FRAS1: variants seen among roughly 807,000 people sequenced by gnomAD.
FRAS1 encodes Fraser extracellular matrix complex subunit 1, also known as extracellular matrix organizing protein FRAS1.
FRAS1 carries 290 observed loss-of-function variants against 435.2 expected under a neutral mutation model. That is an observed-to-expected ratio of 0.67 (90% CI 0.61 to 0.73). The LOEUF (loss-of-function observed/expected upper bound fraction) is 0.73. Ranked by LOEUF, FRAS1 falls within the 30% of genes least tolerant of loss-of-function variation. FRAS1 has a pLI of 0.00. For missense variants in FRAS1, 4,860 were observed against 5,001.5 expected, an observed-to-expected ratio of 0.97 and a Z score of 0.85; for synonymous variants, 1,800 against 1,851.0, an observed-to-expected ratio of 0.97 and a Z score of 0.71.
chr4:78,334,286 G>C (rs1259460085), intron 19 of FRAS1, among the ~76,000 whole-genome samples: 1 of 142,678 alleles, frequency 7.0e-6, no homozygotes, highest in Non-Finnish European at 1.5e-5. Context: ...TTTTATGCAT[G>C]TTGTTACATA....
At chr4:78,492,884 G>T (rs1368609089) in intron 59 of FRAS1, among the ~76,000 whole-genome samples, 1 of 152,178 alleles carries the variant, frequency 6.6e-6, no homozygotes, top group Non-Finnish European at 1.5e-5. Flanking sequence ...TACAGAATGG[G>T]AGAAAATCTT....
At chr4:78,517,484 AAC>A (rs1721246219) in intron 66 of FRAS1, among the ~76,000 whole-genome samples, 1 of 152,252 alleles carries the variant, frequency 6.6e-6, no homozygotes, top group Admixed American at 6.5e-5. Flanking sequence ...CTTTTAAACC[AAC>A]ACAGAAAAAA....
chr4:78,294,478 G>T lies in FRAS1; in HGVS notation c.1534+7939G>T, dbSNP rs568245850. Among the ~76,000 whole-genome samples, 4 of 152,252 alleles carry T rather than the reference G, an allele frequency of 2.6e-5. No individual in the cohort carries two copies. The South Asian group carries it at 8.3e-4, about 32-fold the overall frequency. The stretch of plus-strand genomic sequence containing the variant: ...ACCCTTGGATTATACCTATGTTGTC[G>T]ATTTAGGAATATAGGTAGAGGGGCA... On this transcript the variant is annotated intron_variant, in intron 14 of 73. Coordinates refer to ENST00000512123, the MANE Select transcript of FRAS1 (RefSeq NM_025074.7).
intron 68 of FRAS1, among the ~76,000 whole-genome samples, 192 bp from the exon 69 acceptor site, chr4:78,522,457 G>T (rs931603): frequency 0.14 from 21,244 of 152,198 alleles, 1,780 homozygotes; most frequent in Non-Finnish European, 0.2. Context: ...TCACAAGTAG[G>T]ACGATGGGCT....
chr4:78,194,167 G>A (rs1322595977), intron 2 of FRAS1, among the ~76,000 whole-genome samples: 1 of 152,220 alleles, frequency 6.6e-6, no homozygotes, highest in Non-Finnish European at 1.5e-5. Flanking sequence ...GCTTCCCTTT[G>A]TGGGTAACCC....
At chr4:78,454,850 G>A (rs115448222) in intron 47 of FRAS1, among the ~76,000 whole-genome samples, 1 of 152,142 alleles carries the variant, frequency 6.6e-6, no homozygotes, top group East Asian at 1.9e-4. Context: ...CCTTTCCTGG[G>A]CTTAAAATCT....
chr4:78,177,947 G>A (rs1721843910), intron 2 of FRAS1, among the ~76,000 whole-genome samples: 1 of 151,970 alleles, frequency 6.6e-6, no homozygotes, highest in Non-Finnish European at 1.5e-5. Flanking sequence ...CCGCAAACTG[G>A]GTGACTTAAA....
chr4:78,278,654 G>A lies in FRAS1; in HGVS notation c.982-1G>A, dbSNP rs1727176227. 6.4e-7 allele frequency: 1 copy of A among 1,554,694 alleles called. No homozygotes were observed. The highest frequency in any genetic ancestry group is 2.2e-5 in the East Asian group (1 of 44,554). On this transcript the variant is annotated splice_acceptor_variant, in intron 9 of 73. Coordinates refer to ENST00000512123, the MANE Select transcript of FRAS1 (RefSeq NM_025074.7). LOFTEE classifies it high-confidence loss of function. ...TGCCACTGCAACCCTTATTTCTACA[G>A]GATGAAGAATTAATTCACTTAGATG...
chr4:78,115,586 A>G (rs1215137248), intron 2 of FRAS1, among the ~76,000 whole-genome samples: 6 of 151,970 alleles, frequency 3.9e-5, no homozygotes, highest in Non-Finnish European at 7.4e-5. Flanking sequence ...GAATTTATCC[A>G]TTTCTTCTAG....
intron 27 of FRAS1, among the ~76,000 whole-genome samples, chr4:78,381,893 AAAAAT>A (rs10547903): frequency 0.63 from 95,549 of 151,324 alleles, 30,253 homozygotes; most frequent in African/African-American, 0.66. Context: ...GAGGTATAAT[AAAAAT>A]TCAGCAAAAG....
At chr4:78,100,921 C>T (rs1742092892) in intron 2 of FRAS1, among the ~76,000 whole-genome samples, 1 of 152,108 alleles carries the variant, frequency 6.6e-6, no homozygotes, top group Non-Finnish European at 1.5e-5. Flanking sequence ...GCCTCAAAGC[C>T]CACTGTCTTT....
At chr4:78,415,862 C>T (rs1457334253) in intron 32 of FRAS1, among the ~76,000 whole-genome samples, 1 of 151,962 alleles carries the variant, frequency 6.6e-6, no homozygotes, top group African/African-American at 2.4e-5. Context: ...TAGAAAACAT[C>T]CTAGATGGGG....
intron 48 of FRAS1, 41 bp from the exon 49 acceptor site, chr4:78,464,402 C>A (rs1719460592): frequency 6.2e-7 from 1 of 1,612,732 alleles, no homozygotes; most frequent in Non-Finnish European, 8.5e-7. Context: ...TGGGTAGGTG[C>A]TAGGGACAGG....
intron 3 of FRAS1, among the ~76,000 whole-genome samples, chr4:78,244,661 C>G (rs921423030): frequency 6.6e-6 from 1 of 152,170 alleles, no homozygotes; most frequent in African/African-American, 2.4e-5. Flanking sequence ...ATTATAGAAG[C>G]TCTGGGAACA....
chr4:78,503,307 C>T (rs1252214083), intron 61 of FRAS1, among the ~76,000 whole-genome samples: 3 of 152,144 alleles, frequency 2.0e-5, no homozygotes, highest in Non-Finnish European at 4.4e-5. Context: ...CTTCTTTGTA[C>T]CTCTGATAGA....
chr4:78,340,672 C>T (rs1271908034), intron 20 of FRAS1, among the ~76,000 whole-genome samples: 1 of 152,112 alleles, frequency 6.6e-6, no homozygotes, highest in African/African-American at 2.4e-5. Flanking sequence ...CTGGGTGGCT[C>T]AAACAATGGA....
chr4:78,456,995 G>A (rs1409229894), intron 47 of FRAS1, among the ~76,000 whole-genome samples: 1 of 152,164 alleles, frequency 6.6e-6, no homozygotes, highest in African/African-American at 2.4e-5. Context: ...CAGAAGTTAG[G>A]TAGTTGCTAC....
chr4:78,233,233 G>A (rs1163341983), intron 2 of FRAS1, among the ~76,000 whole-genome samples: 1 of 152,200 alleles, frequency 6.6e-6, no homozygotes, highest in Non-Finnish European at 1.5e-5. Context: ...AAGCTTAAGG[G>A]AGCACATAAA....
chr4:78,064,950 G>A (rs1272411788), intron 1 of FRAS1, among the ~76,000 whole-genome samples: 1 of 151,386 alleles, frequency 6.6e-6, no homozygotes, highest in Non-Finnish European at 1.5e-5. Flanking sequence ...GTAGGTGACA[G>A]CACACTGCCC....
Sources: gnomAD v4.1 joint callset for allele counts (sites outside exome capture counted in the v4.1 genomes callset) on GRCh38, gnomAD v4.1.1 for gene constraint, MANE v1.5 for transcripts, NCBI Gene and HGNC (gene_info 2026-07-23, HGNC 2026-07-21) for gene names.